ATP1B3: variants seen among roughly 807,000 people sequenced by gnomAD.
ATP1B3 encodes ATPase Na+/K+ transporting subunit beta 3.
In ATP1B3, 10 loss-of-function variants were observed where a neutral mutation model predicts 30.2. That is an observed-to-expected ratio of 0.33 (90% CI 0.20 to 0.56). The LOEUF is 0.56. ATP1B3 is among the 20% of genes least tolerant of loss of function. The pLI, the probability that ATP1B3 is intolerant of heterozygous loss-of-function variation, is 0.90. For missense variants in ATP1B3, 238 were observed against 336.7 expected (o/e 0.71, Z 2.29); for synonymous variants, 113 against 117.0 (o/e 0.97, Z 0.22).
At chr3:141,896,636 T>G (rs1934071449) in intron 1 of ATP1B3, among the ~76,000 whole-genome samples, 1 of 152,238 alleles carries the variant, frequency 6.6e-6, no homozygotes, top group African/African-American at 2.4e-5. Context: ...TTTGGTTTGC[T>G]TTTTCATTTT....
chr3:141,884,785 T>C (rs768711389), intron 1 of ATP1B3, among the ~76,000 whole-genome samples: 13 of 152,346 alleles, frequency 8.5e-5, no homozygotes, highest in Non-Finnish European at 1.5e-5. Context: ...CAAGGAGATA[T>C]ATACATATTA....
chr3:141,905,272 C>G (rs1465020468), intron 2 of ATP1B3, among the ~76,000 whole-genome samples: 2 of 152,092 alleles, frequency 1.3e-5, no homozygotes, highest in African/African-American at 4.8e-5. Context: ...AGGTTTCTCT[C>G]TAGAGCAGTG....
At chr3:141,886,004 A>G (rs934394829) in intron 1 of ATP1B3, among the ~76,000 whole-genome samples, 1 of 152,062 alleles carries the variant, frequency 6.6e-6, no homozygotes, top group Non-Finnish European at 1.5e-5. Flanking sequence ...AATCAGTGAG[A>G]ATCATTGTGA....
chr3:141,917,339 T>C (rs909694778), intron 5 of ATP1B3, among the ~76,000 whole-genome samples: 2 of 152,140 alleles, frequency 1.3e-5, no homozygotes, highest in African/African-American at 4.8e-5. Flanking sequence ...TATATGTGTG[T>C]GACCACTGGC....
At chr3:141,924,533 C>T (rs1934620235) in intron 6 of ATP1B3, among the ~76,000 whole-genome samples, 1 of 152,238 alleles carries the variant, frequency 6.6e-6, no homozygotes, top group African/African-American at 2.4e-5. Flanking sequence ...CCCGTGACTC[C>T]AGCTACATGG....
At chr3:141,895,598 A>T (rs759078176) in intron 1 of ATP1B3, among the ~76,000 whole-genome samples, 1 of 152,222 alleles carries the variant, frequency 6.6e-6, no homozygotes. Context: ...CAAATTTATT[A>T]ATTCAACTGT....
chr3:141,896,559 G>T (rs990860090), intron 1 of ATP1B3, among the ~76,000 whole-genome samples: 1 of 151,978 alleles, frequency 6.6e-6, no homozygotes, highest in Non-Finnish European at 1.5e-5. Flanking sequence ...TGTTGTAAAA[G>T]TTCTTCATAT....
At chr3:141,891,717 G>T (rs1933957850) in intron 1 of ATP1B3, among the ~76,000 whole-genome samples, 1 of 151,846 alleles carries the variant, frequency 6.6e-6, no homozygotes, top group Non-Finnish European at 1.5e-5. Context: ...TTTTAATGAT[G>T]TTTTAATGAA....
chr3:141,908,399 C>T (rs967579330), intron 3 of ATP1B3, among the ~76,000 whole-genome samples: 1 of 152,180 alleles, frequency 6.6e-6, no homozygotes, highest in African/African-American at 2.4e-5. Flanking sequence ...ACACCTGCAA[C>T]TGCTCCCTAG....
intron 1 of ATP1B3, among the ~76,000 whole-genome samples, chr3:141,892,461 T>C (rs1933972716): frequency 6.6e-6 from 1 of 152,078 alleles, no homozygotes; most frequent in Non-Finnish European, 1.5e-5. Context: ...ACTTTTAAAT[T>C]ATTCCTGCCA....
At chr3:141,899,668 G>A (rs781396441) in intron 1 of ATP1B3, among the ~76,000 whole-genome samples, 4 of 152,170 alleles carry the variant, frequency 2.6e-5, no homozygotes, top group Non-Finnish European at 4.4e-5. Context: ...TCAGGAGTTC[G>A]AGACCAGCCT....
At position 141,920,725 on chromosome 3, in the gene ATP1B3, T is replaced by C. The variant is rs75380351; in HGVS notation, c.583-1252T>C. On this transcript the variant is annotated intron_variant, in intron 5 of 6. Coordinates refer to ENST00000286371, the MANE Select transcript of ATP1B3 (RefSeq NM_001679.4). ...AGTTTTTCTCTAATATAAAATGTTA[T>C]CTTTGATTTTAAGCTTATTTTTTAA... 7.0e-3 allele frequency among the ~76,000 whole-genome samples: 1,072 copies of C among 152,324 alleles called. 13 individuals are homozygous for C. Among genetic ancestry groups the C allele is most frequent in the African/African-American group, 0.024 (1,016 of 41,568 alleles).
intron 1 of ATP1B3, among the ~76,000 whole-genome samples, chr3:141,886,326 G>A (rs542964359): frequency 2.7e-4 from 41 of 152,196 alleles, no homozygotes; most frequent in Admixed American, 1.4e-3. Context: ...CTGTGCACAC[G>A]AATTCTTCCT....
At position 141,876,736 on chromosome 3, in the gene ATP1B3, G is replaced by A; in HGVS notation, c.-66G>A. 3.8e-6 allele frequency: 5 copies of A among 1,307,518 alleles called. No homozygotes were observed. Among genetic ancestry groups the A allele is most frequent in the South Asian group, 1.2e-5 (1 of 80,562 alleles). The allele number at this position is 1,307,518 out of a possible 1,614,324, so 81.0% of individuals were successfully genotyped here. ...GGCTGCGCCGCCGGAGCCGGGACGC[G>A]CCTCCGCAGCCCTCGCCGCCTCCAT... On this transcript the variant is annotated 5_prime_UTR_variant, in exon 1 of 7. Coordinates refer to ENST00000286371, the MANE Select transcript of ATP1B3 (RefSeq NM_001679.4).
intron 1 of ATP1B3, among the ~76,000 whole-genome samples, chr3:141,890,957 ACTCATCTTTTTGTT>A (rs1333941639): frequency 1.3e-5 from 2 of 151,976 alleles, no homozygotes; most frequent in African/African-American, 4.8e-5. Context: ...TTCTTTATGG[ACTCATCTTTTTGTT>A]CTCTTGTCTC....
At chr3:141,886,024 T>A (rs181789602) in intron 1 of ATP1B3, among the ~76,000 whole-genome samples, 1 of 152,094 alleles carries the variant, frequency 6.6e-6, no homozygotes, top group Non-Finnish European at 1.5e-5. Flanking sequence ...ACTTAAGCAA[T>A]GTAGCCCACT....
intron 1 of ATP1B3, among the ~76,000 whole-genome samples, chr3:141,879,280 C>G (rs1433088455): frequency 6.6e-6 from 1 of 151,954 alleles, no homozygotes; most frequent in African/African-American, 2.4e-5. Flanking sequence ...TACATTTTTG[C>G]ACATTTATTT....
At chr3:141,898,462 G>C (rs1260998909) in intron 1 of ATP1B3, among the ~76,000 whole-genome samples, 1 of 152,140 alleles carries the variant, frequency 6.6e-6, no homozygotes, top group Non-Finnish European at 1.5e-5. Context: ...ACAGTTCTCT[G>C]TAGAAAATAT....
chr3:141,923,271 C>CT lies in ATP1B3; in HGVS notation c.669+1209dup, dbSNP rs931557242. Among the ~76,000 whole-genome samples the CT allele has an allele frequency of 1.6e-3, 186 of 116,678 alleles. 3 individuals carry two copies. The highest frequency in any genetic ancestry group is 3.6e-4 in the Non-Finnish European group (20 of 54,820). 76.5% of individuals were successfully genotyped at this position (116,678 alleles called of 152,430 possible). A position where few individuals can be genotyped will look rare whatever the true frequency, so the allele number is the denominator to read the frequency against. On this transcript the variant is annotated intron_variant, in intron 6 of 6. Transcript: ENST00000286371. Reference sequence around the variant, plus strand: ...CCAGCCTGGGCAACAAAGCAAGACTCTATCTCAAAAAAAAAAAAAATAGGT... The same window carrying CT: ...CCAGCCTGGGCAACAAAGCAAGACTCTTATCTCAAAAAAAAAAAAAATAGGT...
Sources: allele counts gnomAD v4.1 joint callset (sites outside exome capture counted in the v4.1 genomes callset), GRCh38; gene constraint gnomAD v4.1.1; transcripts MANE v1.5; gene names NCBI Gene and HGNC (gene_info 2026-07-23, HGNC 2026-07-21).